NWD2: variants seen among roughly 807,000 people sequenced by gnomAD.
NWD2 encodes the protein NACHT and WD repeat domain-containing protein 2.
A neutral mutation model predicts 132.7 loss-of-function variants in NWD2; 37 were observed. That is an observed-to-expected ratio of 0.28 (90% CI 0.21 to 0.37). The LOEUF is 0.37. Ranked by LOEUF, NWD2 falls within the 10% of genes least tolerant of loss-of-function variation. The probability of loss-of-function intolerance (pLI) is 1.00; values close to 1 mark genes in which losing one functional copy is unlikely to be tolerated. For synonymous variants in NWD2, 705 were observed against 803.0 expected, an observed-to-expected ratio of 0.88 and a Z score of 2.06; for missense variants, 1,592 against 2,122.4, an observed-to-expected ratio of 0.75 and a Z score of 4.91.
intron 1 of NWD2, among the ~76,000 whole-genome samples, chr4:37,293,099 G>T (rs964729760): frequency 3.9e-5 from 6 of 152,208 alleles, no homozygotes; most frequent in African/African-American, 1.4e-4. Flanking sequence ...TGGGACTAAT[G>T]TTACCACTTT....
chr4:37,329,773 T>C (rs1719253672), intron 2 of NWD2, among the ~76,000 whole-genome samples: 2 of 152,086 alleles, frequency 1.3e-5, no homozygotes, highest in Admixed American at 1.3e-4. Context: ...TGACTTACCA[T>C]TAAGAGGTTT....
chr4:37,308,041 T>C (rs1022366027), intron 1 of NWD2, among the ~76,000 whole-genome samples: 9 of 152,270 alleles, frequency 5.9e-5, no homozygotes, highest in African/African-American at 2.2e-4. Context: ...TGTATTCTCT[T>C]ATATCTTTCT....
At chr4:37,287,291 C>G (rs1332318506) in intron 1 of NWD2, among the ~76,000 whole-genome samples, 1 of 152,222 alleles carries the variant, frequency 6.6e-6, no homozygotes, top group East Asian at 1.9e-4. Context: ...AAAGGGGCAA[C>G]CAGCACCACA....
chr4:37,274,279 A>G (rs1364041853), intron 1 of NWD2, among the ~76,000 whole-genome samples: 1 of 152,198 alleles, frequency 6.6e-6, no homozygotes, highest in African/African-American at 2.4e-5. Context: ...AATACAAACT[A>G]CCATCAGAGA....
chr4:37,436,356 G>A (rs1191119543), intron 5 of NWD2, among the ~76,000 whole-genome samples: 1 of 151,926 alleles, frequency 6.6e-6, no homozygotes, highest in East Asian at 1.9e-4. Flanking sequence ...CATGCACTTC[G>A]CCTCTAAAAA....
chr4:37,292,906 G>A (rs1421755293), intron 1 of NWD2, among the ~76,000 whole-genome samples: 1 of 152,026 alleles, frequency 6.6e-6, no homozygotes, highest in East Asian at 1.9e-4. Context: ...ATGCCTGCTT[G>A]CCCACCGCTC....
At chr4:37,270,477 C>T (rs972358310) in intron 1 of NWD2, among the ~76,000 whole-genome samples, 41 of 151,690 alleles carry the variant, frequency 2.7e-4, no homozygotes, top group African/African-American at 8.4e-4. Context: ...TTCTCATATC[C>T]GAAGATGGCC....
At chr4:37,248,833 A>G (rs1356240391) in intron 1 of NWD2, among the ~76,000 whole-genome samples, 3 of 152,242 alleles carry the variant, frequency 2.0e-5, no homozygotes, top group Non-Finnish European at 4.4e-5. Flanking sequence ...AAAACAGTGC[A>G]GGTCCACAAT....
intron 2 of NWD2, among the ~76,000 whole-genome samples, chr4:37,347,482 T>G (rs1451056097): frequency 1.3e-5 from 2 of 152,166 alleles, no homozygotes; most frequent in African/African-American, 4.8e-5. Context: ...ATTATACAAT[T>G]TATACCAATT....
chr4:37,445,604 A>T lies in NWD2; in HGVS notation c.3616A>T (p.Ile1206Phe). 1 of 1,552,252 alleles carries T rather than the reference A, an allele frequency of 6.4e-7. No individual in the cohort carries two copies. Among genetic ancestry groups the T allele is most frequent in the Non-Finnish European group, 8.7e-7 (1 of 1,147,128 alleles). ...TTCAGAAGACCAAAGTGCAGTTCTGATCTGTAAAGCCCTCAGCATTGAGCT... is the reference window on the plus strand; with the variant it reads ...TTCAGAAGACCAAAGTGCAGTTCTGTTCTGTAAAGCCCTCAGCATTGAGCT... ...ELSEDQSAVL[I>F]CKALSIELLD... Residue 1206 changes from isoleucine (I) to phenylalanine (F), a missense_variant, in exon 7 of 7, where the codon ATC becomes TTC. By Grantham distance (21) the Ile-to-Phe change is conservative. Around this residue, in one of 7 missense-constraint regions of NWD2, gnomAD observed 1,071 missense variants for 1,398.0 expected, o/e 0.77. Coordinates refer to ENST00000309447, the MANE Select transcript of NWD2 (RefSeq NM_001144990.2). This position sits in a 1 kb window ranked among gnomAD's most constrained non-coding sequence, Gnocchi z 4.7.
chr4:37,372,466 G>T (rs143390153), intron 3 of NWD2, among the ~76,000 whole-genome samples: 10 of 152,150 alleles, frequency 6.6e-5, no homozygotes, highest in Non-Finnish European at 4.4e-5. Flanking sequence ...TAGAATTTAC[G>T]TATTAATTAC....
In NWD2 at chr4:37,417,815, G is replaced by T. The variant is rs117204702; in HGVS notation, c.358-12757G>T. 4.1e-4 allele frequency among the ~76,000 whole-genome samples: 62 copies of T among 152,256 alleles called. 1 individual carries two copies. The East Asian group carries it at 9.5e-3, about 23-fold the overall frequency. On this transcript the variant is annotated intron_variant, in intron 3 of 6. Transcript: ENST00000309447. ...ATCAGCAACAGGAGGAGGCTAGAAT[G>T]ATCCATGGTAATGAGTCAAAGTTGG...
At chr4:37,260,561 G>T (rs1335288567) in intron 1 of NWD2, among the ~76,000 whole-genome samples, 2 of 152,240 alleles carry the variant, frequency 1.3e-5, no homozygotes, top group South Asian at 4.1e-4. Context: ...GGGGAAAGCA[G>T]CTTTGAAACT....
At chr4:37,255,991 A>G (rs1274698991) in intron 1 of NWD2, among the ~76,000 whole-genome samples, 1 of 152,216 alleles carries the variant, frequency 6.6e-6, no homozygotes. Flanking sequence ...GATGAGAAAT[A>G]CTTAATTGTC....
intron 3 of NWD2, among the ~76,000 whole-genome samples, chr4:37,388,758 T>C (rs984983412): frequency 2.0e-5 from 3 of 146,842 alleles, no homozygotes; most frequent in Non-Finnish European, 3.0e-5. Flanking sequence ...TTTTTAACCA[T>C]AGTACAAGTC....
intron 2 of NWD2, among the ~76,000 whole-genome samples, chr4:37,336,124 G>A (rs73240378): frequency 0.11 from 16,704 of 151,968 alleles, 1,232 homozygotes; most frequent in South Asian, 0.22. Context: ...TTTAAGAAGA[G>A]TATAGTCATC....
At chr4:37,359,740 T>G (rs752450124) in intron 3 of NWD2, among the ~76,000 whole-genome samples, 40 of 152,200 alleles carry the variant, frequency 2.6e-4, no homozygotes, top group Non-Finnish European at 5.3e-4. Context: ...TAGTCTTCAG[T>G]ATAGTTCGTG....
chr4:37,444,377 G>A lies in NWD2; in HGVS notation c.2389G>A (p.Glu797Lys). The A allele has an allele frequency of 8.4e-6, 13 of 1,552,166 alleles. No individual in the cohort carries two copies. Among genetic ancestry groups the A allele is most frequent in the Non-Finnish European group, 1.1e-5 (13 of 1,147,110 alleles). Residue 797 changes from glutamate to lysine, a missense_variant, in exon 7 of 7, where the codon GAA (glutamate) becomes AAA (lysine). Transcript: ENST00000309447. This position sits in a 1 kb window ranked among gnomAD's most constrained non-coding sequence, Gnocchi z 4.8. The stretch of plus-strand genomic sequence containing the variant: ...GGAGAACAGAAGTTTGCTGGAGGAA[G>A]AAAAGCACTTCATGGAACAGGCTTC... Reference protein sequence around the residue: ...DLENRSLLEEEKHFMEQASFD... With the variant: ...DLENRSLLEEKKHFMEQASFD...
At chr4:37,248,865 G>C (rs1276427009) in intron 1 of NWD2, among the ~76,000 whole-genome samples, 3 of 152,164 alleles carry the variant, frequency 2.0e-5, no homozygotes, top group African/African-American at 7.2e-5. Flanking sequence ...GATCATCTGG[G>C]CCAGATGTGA....
Sources: gnomAD v4.1 joint callset for allele counts (sites outside exome capture counted in the v4.1 genomes callset) on GRCh38, gnomAD v4.1.1 for gene constraint, gnomAD v4.1.1 regional missense constraint, Gnocchi (gnomAD v3.1) non-coding constraint, MANE v1.5 for transcripts, NCBI Gene and HGNC (gene_info 2026-07-23, HGNC 2026-07-21) for gene names.